Variants in FLT1 observed in about 807,000 individuals in gnomAD.
The protein encoded by FLT1 is fms related receptor tyrosine kinase 1, also known as vascular endothelial growth factor receptor 1.
Under a neutral mutation model 156.3 loss-of-function variants are expected in FLT1, and 49 were observed. The observed-to-expected ratio is 0.31, with a 90% CI of 0.25 to 0.40. The LOEUF (loss-of-function observed/expected upper bound fraction) is 0.40, where lower values mean the gene tolerates loss of function less well. FLT1 is among the 10% of genes least tolerant of loss of function. FLT1 has a pLI of 1.00. For missense variants in FLT1, 1,322 were observed against 1,637.2 expected (o/e 0.81, Z 3.32); for synonymous variants, 594 against 583.8 (o/e 1.02, Z -0.25).
intron 12 of FLT1, among the ~76,000 whole-genome samples, chr13:28,390,557 G>A (rs1478251166): frequency 1.3e-5 from 2 of 152,168 alleles, no homozygotes; most frequent in Non-Finnish European, 2.9e-5. Context: ...CACCACGCTG[G>A]GCTAATTTTT....
chr13:28,385,458 TGA>T (rs1400862778), intron 13 of FLT1: 10 of 972,412 alleles, frequency 1.0e-5, no homozygotes, highest in Non-Finnish European at 1.1e-5. Flanking sequence ...TAATTTTGTG[TGA>T]GTTTTGATTG....
At chr13:28,308,114 AG>A (rs1870831523) in intron 28 of FLT1, among the ~76,000 whole-genome samples, 1 of 152,170 alleles carries the variant, frequency 6.6e-6, no homozygotes, top group Admixed American at 6.5e-5. Flanking sequence ...GGAATCCCCT[AG>A]GGATCTTGCC....
At position 28,327,447 on chromosome 13, in the gene FLT1, T is replaced by C. The variant is rs1428144192; in HGVS notation, c.2796+15A>G. The C allele has an allele frequency of 3.9e-6, 6 of 1,547,346 alleles. No homozygotes were observed. In the South Asian group the frequency reaches 5.6e-5, roughly 14 times the overall value. The stretch of plus-strand genomic sequence containing the variant: ...ATTGCTATCTTTAAAAACCTCCAAC[T>C]TTTGAAATCCTTACCTTGTTGAGAA... On this transcript the variant is annotated intron_variant, in intron 20 of 29. Coordinates refer to ENST00000282397, the MANE Select transcript of FLT1 (RefSeq NM_002019.4).
chr13:28,317,375 G>C (rs1871251407), intron 25 of FLT1, 123 bp downstream of exon 25: 3 of 759,264 alleles, frequency 4.0e-6, no homozygotes, highest in Non-Finnish European at 7.1e-6. Flanking sequence ...ATCTCTAAAG[G>C]AAAGAAGAAC....
intron 3 of FLT1, among the ~76,000 whole-genome samples, chr13:28,451,615 G>A (rs1878942617): frequency 6.6e-6 from 1 of 152,104 alleles, no homozygotes; most frequent in Non-Finnish European, 1.5e-5. Context: ...CTGTGTGCGG[G>A]GCGGCGGGGG....
At position 28,350,750 on chromosome 13, in the gene FLT1, G is replaced by T. The variant is rs143592801; in HGVS notation, c.2249-5199C>A. On this transcript the variant is annotated intron_variant, in intron 15 of 29. Coordinates refer to ENST00000282397, the MANE Select transcript of FLT1 (RefSeq NM_002019.4). Reference sequence around the variant, plus strand: ...CCGAACACAGGTTTCATCGGGAAAGGGCAGGTACTCTGTGCCCCAGTTTCC... The same window carrying T: ...CCGAACACAGGTTTCATCGGGAAAGTGCAGGTACTCTGTGCCCCAGTTTCC... Among the ~76,000 whole-genome samples, 152 of 152,210 alleles carry T rather than the reference G, an allele frequency of 1.0e-3. 1 individual carries two copies. The highest frequency in any genetic ancestry group is 3.4e-3 in the African/African-American group (143 of 41,528).
rs370249848 is a variant in FLT1, at chr13:28,306,663, A to G, written c.3815+15T>C. On this transcript the variant is annotated intron_variant, in intron 29 of 29. Transcript: ENST00000282397. ...CCTCCATCAACTGATCACAGAAAAG[A>G]TACCCAATTCTTACTCAATCTTGAG... The G allele has an allele frequency of 4.4e-6, 7 of 1,582,486 alleles. No individual in the cohort carries two copies. Among genetic ancestry groups the G allele is most frequent in the Non-Finnish European group, 6.1e-6 (7 of 1,151,318 alleles).
Position 28,467,132 on chromosome 13 carries a change from G to T in FLT1, c.162-3C>A. 1 of 1,608,386 alleles carries T rather than the reference G, an allele frequency of 6.2e-7. No homozygotes were observed. The highest frequency in any genetic ancestry group is 8.5e-7 in the Non-Finnish European group (1 of 1,175,658). The stretch of plus-strand genomic sequence containing the variant: ...ACCATTTATGGGCTGCTTCCCCCCT[G>T]CAATCACAGATAAGAAAACAAAACA... On this transcript the variant is annotated splice_polypyrimidine_tract_variant and splice_region_variant and intron_variant, in intron 2 of 29. Coordinates refer to ENST00000282397, the MANE Select transcript of FLT1 (RefSeq NM_002019.4).
chr13:28,440,541 C>T (rs1168169651), intron 3 of FLT1, among the ~76,000 whole-genome samples: 3 of 152,164 alleles, frequency 2.0e-5, no homozygotes, highest in Non-Finnish European at 4.4e-5. Flanking sequence ...AAGTAAGTGC[C>T]TCATGGTACT....
At chr13:28,426,684 G>T (rs1436806772) in intron 10 of FLT1, among the ~76,000 whole-genome samples, 1 of 152,208 alleles carries the variant, frequency 6.6e-6, no homozygotes, top group African/African-American at 2.4e-5. Flanking sequence ...CAGGCAATGG[G>T]TGGAGGTGCA....
Position 28,427,841 on chromosome 13 carries a change from G to T in FLT1, c.1187C>A (p.Thr396Asn). The change falls in exon 9 of 30, where the codon ACT (threonine) becomes AAT (asparagine). Residue 396 changes from threonine (T) to asparagine (N), a missense_variant. Around this residue, in one of 3 missense-constraint regions of FLT1, gnomAD observed 991 missense variants for 1,254.8 expected, o/e 0.79. Coordinates refer to ENST00000282397, the MANE Select transcript of FLT1 (RefSeq NM_002019.4). ...TGTATAATTCCCTGCATCCTCTTCA[G>T]TTACGTCCTTGATAATTAACGAGTA... ...RGYSLIIKDVTEEDAGNYTIL... is the reference protein window; with the variant it reads ...RGYSLIIKDVNEEDAGNYTIL... 4 of 1,613,854 alleles carry T rather than the reference G, an allele frequency of 2.5e-6. No homozygotes were observed. Among genetic ancestry groups the T allele is most frequent in the Non-Finnish European group, 3.4e-6 (4 of 1,179,776 alleles).
chr13:28,308,808 C>A (rs369151368), intron 28 of FLT1, 35 bp downstream of exon 28: 1 of 1,260,488 alleles, frequency 7.9e-7, no homozygotes, highest in Non-Finnish European at 1.2e-6. Flanking sequence ...AGGGGTCTAT[C>A]GGGGTGCACT....
intron 10 of FLT1, among the ~76,000 whole-genome samples, chr13:28,424,926 T>C (rs1327023396): frequency 6.6e-6 from 1 of 152,240 alleles, no homozygotes; most frequent in Non-Finnish European, 1.5e-5. Flanking sequence ...AATATGTTTA[T>C]ATAAAGACAT....
intron 14 of FLT1, among the ~76,000 whole-genome samples, 160 bp downstream of exon 14, chr13:28,384,725 C>G (rs1208738350): frequency 2.6e-5 from 4 of 152,086 alleles, no homozygotes; most frequent in Non-Finnish European, 5.9e-5. Context: ...CCAAATATTC[C>G]TCACTGGACA....
intron 14 of FLT1, among the ~76,000 whole-genome samples, chr13:28,360,309 A>G (rs183675795): frequency 7.4e-4 from 112 of 152,346 alleles, no homozygotes; most frequent in Non-Finnish European, 1.3e-3. Flanking sequence ...GAAAACTGCT[A>G]TATGATCTAG....
chr13:28,480,080 T>C (rs1041850550), intron 1 of FLT1, among the ~76,000 whole-genome samples: 4 of 152,176 alleles, frequency 2.6e-5, no homozygotes, highest in Admixed American at 6.5e-5. Context: ...ACTGATGAAC[T>C]GAGTTAAGGG....
Position 28,494,996 on chromosome 13 carries a change from T to G in FLT1, c.-153A>C. ...GCCAGGAGACAACCACTTCCCCGGG[T>G]AATCCTCGCCGCCAGGCGCCCGCTG... On this transcript the variant is annotated 5_prime_UTR_variant, in exon 1 of 30. Transcript: ENST00000282397. The G allele has an allele frequency of 6.7e-5, 35 of 518,746 alleles. No individual in the cohort carries two copies. Among genetic ancestry groups the G allele is most frequent in the South Asian group, 9.3e-5 (3 of 32,114 alleles). 32.1% of individuals were successfully genotyped at this position (518,746 alleles called of 1,614,324 possible). A position where few individuals can be genotyped will look rare whatever the true frequency, so the allele number is the denominator to read the frequency against.
chr13:28,379,900 T>C (rs1874004173), intron 14 of FLT1, among the ~76,000 whole-genome samples: 1 of 152,194 alleles, frequency 6.6e-6, no homozygotes, highest in Non-Finnish European at 1.5e-5. Flanking sequence ...TTATAGGCGC[T>C]TGTACAAAGC....
At chr13:28,462,595 G>A (rs1879643519) in intron 3 of FLT1, among the ~76,000 whole-genome samples, 1 of 152,148 alleles carries the variant, frequency 6.6e-6, no homozygotes, top group African/African-American at 2.4e-5. Flanking sequence ...TGATTCAAAA[G>A]CCATACCAAG....
Sources: allele counts gnomAD v4.1 joint callset (sites outside exome capture counted in the v4.1 genomes callset), GRCh38; gene constraint gnomAD v4.1.1; regional missense constraint gnomAD v4.1.1; transcripts MANE v1.5; gene names NCBI Gene and HGNC (gene_info 2026-07-23, HGNC 2026-07-21).